The following XRCC4 variants were observed in gnomAD, a reference collection of about 807,000 sequenced individuals.
XRCC4 encodes X-ray repair cross complementing 4.
XRCC4 carries 28 observed loss-of-function variants against 39.1 expected under a neutral mutation model. That is an observed-to-expected ratio of 0.72 (90% CI 0.53 to 0.98). The LOEUF is 0.98. Ranked by LOEUF, XRCC4 falls within the 50% of genes least tolerant of loss-of-function variation. The pLI is 0.00. For missense variants in XRCC4, 350 were observed against 376.4 expected (o/e 0.93, Z 0.58); for synonymous variants, 123 against 126.4 (o/e 0.97, Z 0.18).
chr5:83,212,147 T>TAC (rs747224539), intron 6 of XRCC4, among the ~76,000 whole-genome samples: 11 of 151,786 alleles, frequency 7.2e-5, no homozygotes, highest in South Asian at 2.1e-4. Context: ...TGTGTATATA[T>TAC]ACACACACAC....
chr5:83,280,262 T>C (rs1268265416), intron 7 of XRCC4: 4 of 350,578 alleles, frequency 1.1e-5, no homozygotes, highest in African/African-American at 8.7e-5. Context: ...AATTGTGTTT[T>C]ACAATATCCG....
At chr5:83,344,057 A>G (rs1479316084) in intron 7 of XRCC4, among the ~76,000 whole-genome samples, 2 of 151,892 alleles carry the variant, frequency 1.3e-5, no homozygotes, top group African/African-American at 4.8e-5. Context: ...ATCCAGAACC[A>G]TTCTCTCATG....
intron 7 of XRCC4, among the ~76,000 whole-genome samples, chr5:83,270,479 A>C (rs537758507): frequency 2.0e-5 from 3 of 152,276 alleles, no homozygotes; most frequent in African/African-American, 7.2e-5. Flanking sequence ...AGTCTAAGCC[A>C]TAATCCTTTT....
chr5:83,288,513 GTCTT>G lies in XRCC4; in HGVS notation c.893+29838_893+29841del, dbSNP rs1754808856. On this transcript the variant is annotated intron_variant, in intron 7 of 7. Transcript: ENST00000396027. ...TATTATGTCTTATTTGACTGAAAAA[GTCTT>G]TATTTCTCCTTCACTATTGAAGGAT... is the stretch of plus-strand genomic sequence containing the variant. Among the ~76,000 whole-genome samples, 4 of 151,926 alleles carry G rather than the reference GTCTT, an allele frequency of 2.6e-5. No homozygotes were observed. The South Asian group carries it at 6.2e-4, about 24-fold the overall frequency.
chr5:83,221,175 A>G (rs887249082), intron 6 of XRCC4, among the ~76,000 whole-genome samples: 6 of 152,074 alleles, frequency 3.9e-5, no homozygotes, highest in Non-Finnish European at 7.4e-5. Context: ...ATTCACTACT[A>G]CTTCTACTTT....
At chr5:83,273,538 T>C (rs1044777563) in intron 7 of XRCC4, among the ~76,000 whole-genome samples, 1 of 152,238 alleles carries the variant, frequency 6.6e-6, no homozygotes, top group Non-Finnish European at 1.5e-5. Flanking sequence ...CTAGGGTTTT[T>C]ATAGTTTTAG....
chr5:83,127,546 C>T (rs940857246), intron 3 of XRCC4, among the ~76,000 whole-genome samples: 5 of 151,384 alleles, frequency 3.3e-5, no homozygotes, highest in South Asian at 2.1e-4. Context: ...TCCATTAAAC[C>T]GTTTTTGTTT....
In XRCC4 at chr5:83,105,050, C is replaced by T. The variant is rs771111816; in HGVS notation, c.131C>T (p.Thr44Ile). Residue 44 changes from threonine to isoleucine, a missense_variant, in exon 2 of 8, where the codon ACT becomes ATT. Thr to Ile is a moderately conservative substitution (Grantham distance 89). Transcript: ENST00000396027. ...ITLTDGHSAW[T>I]GTVSESEISQ... is the part of the protein sequence containing the mutation. ...CTTACTGATGGTCATTCAGCATGGA[C>T]TGGGACAGGTAATACTAAAAACAAA... 14 of 1,611,156 alleles carry T rather than the reference C, an allele frequency of 8.7e-6. No individual in the cohort carries two copies. Among genetic ancestry groups the T allele is most frequent in the Middle Eastern group, 1.7e-4 (1 of 6,056 alleles).
At chr5:83,162,952 C>CTT (rs754386080) in intron 3 of XRCC4, among the ~76,000 whole-genome samples, 1 of 125,186 alleles carries the variant, frequency 8.0e-6, no homozygotes, top group African/African-American at 3.0e-5. Context: ...TTCTTTCTTT[C>CTT]TTTTTTTTTT....
intron 6 of XRCC4, among the ~76,000 whole-genome samples, chr5:83,236,462 A>G (rs1752694535): frequency 6.6e-6 from 1 of 152,152 alleles, no homozygotes; most frequent in African/African-American, 2.4e-5. Context: ...AAGAACATAC[A>G]TGGGGAAAAG....
chr5:83,169,100 G>A (rs10043698), intron 3 of XRCC4, among the ~76,000 whole-genome samples: 50,235 of 151,912 alleles, frequency 0.33, 9,090 homozygotes, highest in Non-Finnish European at 0.41. Context: ...TTCAATTAGA[G>A]TTAAAATTTG....
intron 7 of XRCC4, 133 bp from the exon 8 acceptor site, chr5:83,352,998 A>C: frequency 1.5e-6 from 1 of 657,334 alleles, no homozygotes; most frequent in Non-Finnish European, 2.5e-6. Context: ...TTAATAGCAT[A>C]GAGAAATAAA....
At chr5:83,212,244 A>G (rs925992720) in intron 6 of XRCC4, among the ~76,000 whole-genome samples, 23 of 152,288 alleles carry the variant, frequency 1.5e-4, no homozygotes, top group African/African-American at 5.1e-4. Flanking sequence ...AAGATTCTCA[A>G]TAAGGAGATA....
chr5:83,164,407 A>C (rs998297336), intron 3 of XRCC4, among the ~76,000 whole-genome samples: 29 of 152,178 alleles, frequency 1.9e-4, no homozygotes, highest in African/African-American at 6.8e-4. Flanking sequence ...AATCAAAAAC[A>C]ACAAATTTAA....
At chr5:83,101,684 A>C (rs917586481) in intron 1 of XRCC4, among the ~76,000 whole-genome samples, 1 of 152,112 alleles carries the variant, frequency 6.6e-6, no homozygotes, top group Non-Finnish European at 1.5e-5. Flanking sequence ...ATGGCAGACT[A>C]TACAGGTCTA....
At chr5:83,196,589 A>G (rs773638017) in intron 4 of XRCC4, among the ~76,000 whole-genome samples, 3 of 151,926 alleles carry the variant, frequency 2.0e-5, no homozygotes, top group East Asian at 3.8e-4. Flanking sequence ...TTCTATTAGT[A>G]TAAGATATTT....
chr5:83,080,999 T>C (rs1242141190), intron 1 of XRCC4, among the ~76,000 whole-genome samples: 1 of 152,220 alleles, frequency 6.6e-6, no homozygotes, highest in African/African-American at 2.4e-5. Flanking sequence ...CTTATAGCCA[T>C]AGTGCATTAT....
intron 7 of XRCC4, among the ~76,000 whole-genome samples, chr5:83,315,236 A>G (rs903125203): frequency 6.6e-6 from 1 of 152,148 alleles, no homozygotes. Flanking sequence ...ACTCTCATCA[A>G]TTCTGTGAAG....
intron 7 of XRCC4, among the ~76,000 whole-genome samples, chr5:83,300,229 G>A (rs978384296): frequency 6.6e-6 from 1 of 151,978 alleles, no homozygotes; most frequent in Admixed American, 6.6e-5. Flanking sequence ...CTCCACTTTA[G>A]ACAGGCCCTA....
Sources: gnomAD v4.1 joint callset for allele counts (sites outside exome capture counted in the v4.1 genomes callset) on GRCh38, gnomAD v4.1.1 for gene constraint, MANE v1.5 for transcripts, NCBI Gene and HGNC (gene_info 2026-07-23, HGNC 2026-07-21) for gene names.